The following EFNA5 variants were observed in gnomAD, a reference collection of about 807,000 sequenced individuals.
EFNA5 encodes the protein ephrin-A5.
In EFNA5, 5 loss-of-function variants were observed where a neutral mutation model predicts 22.9. The observed-to-expected ratio is 0.22, with a 90% CI of 0.11 to 0.46. The LOEUF (loss-of-function observed/expected upper bound fraction) is 0.46. EFNA5 is among the 20% of genes least tolerant of loss of function. The probability of loss-of-function intolerance (pLI) is 0.99; values close to 1 mark genes in which losing one functional copy is unlikely to be tolerated. For synonymous variants in EFNA5, 113 were observed against 112.2 expected (o/e 1.01, Z -0.04); for missense variants, 237 against 293.3 (o/e 0.81, Z 1.40).
chr5:107,621,234 G>A lies in EFNA5; in HGVS notation c.125+49255C>T, dbSNP rs77179581. 6.9e-3 allele frequency among the ~76,000 whole-genome samples: 1,045 copies of A among 152,250 alleles called. 9 individuals carry two copies. Among genetic ancestry groups the A allele is most frequent in the African/African-American group, 0.024 (987 of 41,542 alleles). On this transcript the variant is annotated intron_variant, in intron 1 of 4. Transcript: ENST00000333274. ...AAAACAGACTGGGGGGCTGGAGTAA[G>A]AGAGGACAAAGAAGCACAAAGAAGC...
intron 1 of EFNA5, among the ~76,000 whole-genome samples, chr5:107,490,240 A>T (rs1250872545): frequency 1.3e-5 from 2 of 152,166 alleles, no homozygotes; most frequent in Non-Finnish European, 2.9e-5. Context: ...AACTTGCTTC[A>T]CACTATGTCA....
intron 1 of EFNA5, among the ~76,000 whole-genome samples, chr5:107,492,696 C>T (rs1347276356): frequency 6.6e-6 from 1 of 152,202 alleles, no homozygotes; most frequent in Admixed American, 6.5e-5. Flanking sequence ...CTCAATTTCA[C>T]TCTGAAAGAA....
At chr5:107,387,809 G>A in intron 2 of EFNA5, 38 bp from the exon 3 acceptor site, 2 of 1,421,068 alleles carry the variant, frequency 1.4e-6, no homozygotes, top group Non-Finnish European at 2.0e-6. Context: ...AAAGAAAGAA[G>A]AGAACAACAA....
At chr5:107,583,361 A>G (rs1454677747) in intron 1 of EFNA5, among the ~76,000 whole-genome samples, 1 of 152,228 alleles carries the variant, frequency 6.6e-6, no homozygotes, top group South Asian at 2.1e-4. Flanking sequence ...GAAAAAGAAA[A>G]TATGAAAATA....
chr5:107,401,828 G>A (rs752008863), intron 2 of EFNA5, among the ~76,000 whole-genome samples: 5 of 152,286 alleles, frequency 3.3e-5, no homozygotes, highest in Non-Finnish European at 4.4e-5. Context: ...ATTACCAGGC[G>A]GCTCCGGGGA....
At chr5:107,398,854 C>CA (rs1214380627) in intron 2 of EFNA5, among the ~76,000 whole-genome samples, 2,641 of 64,624 alleles carry the variant, frequency 0.041, 97 homozygotes, top group African/African-American at 0.076. Context: ...GACACTGCCT[C>CA]AAAAAAAAAA....
chr5:107,461,755 C>A (rs1167810931), intron 1 of EFNA5, among the ~76,000 whole-genome samples: 1 of 152,014 alleles, frequency 6.6e-6, no homozygotes, highest in African/African-American at 2.4e-5. Flanking sequence ...ACTTGATTAA[C>A]CTATTTAGTC....
intron 1 of EFNA5, among the ~76,000 whole-genome samples, chr5:107,561,196 T>C (rs1016637290): frequency 6.6e-6 from 1 of 152,108 alleles, no homozygotes; most frequent in Non-Finnish European, 1.5e-5. Flanking sequence ...TGAAATGCCT[T>C]CTAAGAATTA....
chr5:107,501,538 A>G (rs1351147842), intron 1 of EFNA5, among the ~76,000 whole-genome samples: 1 of 152,244 alleles, frequency 6.6e-6, no homozygotes, highest in Non-Finnish European at 1.5e-5. Context: ...AAATTCTCAG[A>G]AACTATTTTT....
chr5:107,394,982 G>A (rs916454168), intron 2 of EFNA5, among the ~76,000 whole-genome samples: 1 of 145,794 alleles, frequency 6.9e-6, no homozygotes, highest in African/African-American at 2.5e-5. Flanking sequence ...AAAATAACGT[G>A]GATTTTGGAG....
intron 1 of EFNA5, among the ~76,000 whole-genome samples, chr5:107,466,296 G>A (rs911545741): frequency 1.3e-5 from 2 of 152,110 alleles, no homozygotes; most frequent in African/African-American, 2.4e-5. Context: ...GGTATTAAAT[G>A]CTGAGTCATT....
intron 2 of EFNA5, among the ~76,000 whole-genome samples, chr5:107,405,381 C>T (rs535206706): frequency 6.6e-6 from 1 of 152,342 alleles, no homozygotes; most frequent in South Asian, 2.1e-4. Context: ...CATTTACATA[C>T]AGACATTCCA....
intron 2 of EFNA5, among the ~76,000 whole-genome samples, chr5:107,391,197 G>C (rs1197193695): frequency 6.6e-6 from 1 of 152,166 alleles, no homozygotes; most frequent in Non-Finnish European, 1.5e-5. Flanking sequence ...CTATGCATCA[G>C]CTTCTTTATT....
chr5:107,587,911 C>T (rs1462957312), intron 1 of EFNA5, among the ~76,000 whole-genome samples: 2 of 152,080 alleles, frequency 1.3e-5, no homozygotes, highest in Non-Finnish European at 1.5e-5. Context: ...GCAGGAGATG[C>T]GAAGACAAGT....
At chr5:107,498,390 CAA>C (rs1747043105) in intron 1 of EFNA5, among the ~76,000 whole-genome samples, 1 of 152,186 alleles carries the variant, frequency 6.6e-6, no homozygotes, top group African/African-American at 2.4e-5. Flanking sequence ...AACTCACTCA[CAA>C]ATTTCTTGAT....
chr5:107,593,093 A>T (rs1040638586), intron 1 of EFNA5, among the ~76,000 whole-genome samples: 6 of 152,190 alleles, frequency 3.9e-5, no homozygotes, highest in African/African-American at 1.4e-4. Flanking sequence ...AGCAGTTCTT[A>T]TGTAACTGTT....
At chr5:107,529,036 T>A (rs1402936205) in intron 1 of EFNA5, among the ~76,000 whole-genome samples, 1 of 152,206 alleles carries the variant, frequency 6.6e-6, no homozygotes, top group East Asian at 1.9e-4. Context: ...CAAAACTAAT[T>A]TCTTACTATG....
At chr5:107,602,809 T>C (rs780216041) in intron 1 of EFNA5, among the ~76,000 whole-genome samples, 3 of 148,088 alleles carry the variant, frequency 2.0e-5, no homozygotes, top group Non-Finnish European at 3.0e-5. Context: ...CAGAGGAGAA[T>C]AGAAATGATC....
chr5:107,398,451 C>T (rs1044153245), intron 2 of EFNA5, among the ~76,000 whole-genome samples: 4 of 152,032 alleles, frequency 2.6e-5, no homozygotes, highest in African/African-American at 9.7e-5. Flanking sequence ...AGGAGCCATG[C>T]CAAGTTGTTG....
Sources: gnomAD v4.1 joint callset for allele counts (sites outside exome capture counted in the v4.1 genomes callset) on GRCh38, gnomAD v4.1.1 for gene constraint, MANE v1.5 for transcripts, NCBI Gene and HGNC (gene_info 2026-07-23, HGNC 2026-07-21) for gene names.